Variants in IPO8 observed in about 807,000 individuals in gnomAD.
IPO8 encodes importin 8, also known as importin-8.
IPO8 carries 65 observed loss-of-function variants against 141.2 expected under a neutral mutation model. That is an observed-to-expected ratio of 0.46 (90% CI 0.38 to 0.57). The LOEUF (loss-of-function observed/expected upper bound fraction) is 0.57, where lower values mean the gene tolerates loss of function less well. Among genes scored for constraint, IPO8 ranks in the 20% least tolerant of loss-of-function variants. The pLI, the probability that IPO8 is intolerant of heterozygous loss-of-function variation, is 0.00. For missense variants in IPO8, 980 were observed against 1,246.8 expected, an observed-to-expected ratio of 0.79 and a Z score of 3.22; for synonymous variants, 411 against 420.3, an observed-to-expected ratio of 0.98 and a Z score of 0.27.
intron 9 of IPO8, among the ~76,000 whole-genome samples, chr12:30,669,989 G>C (rs113463324): frequency 1.1e-3 from 162 of 152,192 alleles, no homozygotes; most frequent in African/African-American, 3.8e-3. Context: ...AAAAAATTCA[G>C]CCTAAGGATC....
In IPO8 at chr12:30,634,073, A is replaced by C. The variant is rs201067182; in HGVS notation, c.2899+10T>G. ...AAAATATCAGAAGATGTGGGGAAGT[A>C]AAGACATACTTATCAGAGCTTGTGT... On this transcript the variant is annotated intron_variant, in intron 23 of 24. Transcript: ENST00000256079. The C allele has an allele frequency of 2.9e-3, 4,648 of 1,606,176 alleles. 6 individuals carry two copies. The highest frequency in any genetic ancestry group is 3.6e-3 in the Non-Finnish European group (4,264 of 1,173,250).
intron 20 of IPO8, among the ~76,000 whole-genome samples, chr12:30,646,540 G>A (rs545542159): frequency 6.6e-6 from 1 of 152,138 alleles, no homozygotes; most frequent in Non-Finnish European, 1.5e-5. Flanking sequence ...AAACTGGAAA[G>A]GTAAAACTCT....
chr12:30,649,699 T>C (rs2052699018), intron 19 of IPO8, among the ~76,000 whole-genome samples: 1 of 152,154 alleles, frequency 6.6e-6, no homozygotes, highest in African/African-American at 2.4e-5. Flanking sequence ...TTCATGGACA[T>C]TGTAACCATT....
Position 30,663,581 on chromosome 12 carries a change from A to C in IPO8, c.1502T>G (p.Leu501Ter), listed in dbSNP as rs774498017. 2 of 1,613,712 alleles carry C rather than the reference A, an allele frequency of 1.2e-6. No individual in the cohort carries two copies. Among genetic ancestry groups the C allele is most frequent in the Non-Finnish European group, 1.7e-6 (2 of 1,179,882 alleles). ...NELNLRNAVE[L>*]AKKSLIEDKE... ...ATCTTCAATCAGGCTCTTCTTCGCT[A>C]ATTCAACGGCATTTCTTAGATTGAG... The change falls in exon 14 of 25, where the codon TTA becomes TGA. Residue 501 changes from leucine to a stop codon, truncating the protein, a stop_gained. Coordinates refer to ENST00000256079, the MANE Select transcript of IPO8 (RefSeq NM_006390.4). LOFTEE classifies it high-confidence loss of function.
chr12:30,674,613 T>G (rs2053093933), intron 7 of IPO8, 46 bp downstream of exon 7: 9 of 1,316,424 alleles, frequency 6.8e-6, no homozygotes, highest in Non-Finnish European at 9.9e-6. Flanking sequence ...TATCTGATAC[T>G]GAGATACTGG....
At chr12:30,673,415 A>G (rs540635327) in intron 8 of IPO8, among the ~76,000 whole-genome samples, 1 of 152,352 alleles carries the variant, frequency 6.6e-6, no homozygotes, top group East Asian at 1.9e-4. Flanking sequence ...AACACTGATC[A>G]ACCAATTTTC....
intron 2 of IPO8, chr12:30,686,201 T>C (rs1312774280): frequency 2.0e-5 from 3 of 152,208 alleles, no homozygotes; most frequent in Non-Finnish European, 4.4e-5. Context: ...CTAGGTACCA[T>C]GTTTTATCGG....
chr12:30,682,322 G>A (rs191013404), intron 3 of IPO8, among the ~76,000 whole-genome samples: 4 of 152,156 alleles, frequency 2.6e-5, no homozygotes, highest in Admixed American at 2.6e-4. Context: ...ACCCAACATC[G>A]TATGTTGAAT....
intron 17 of IPO8, among the ~76,000 whole-genome samples, chr12:30,654,483 T>C (rs2052771646): frequency 6.6e-6 from 1 of 151,810 alleles, no homozygotes; most frequent in African/African-American, 2.4e-5. Flanking sequence ...CAAATGAAGA[T>C]TTAATATCCA....
At chr12:30,640,211 C>G (rs909401737) in intron 20 of IPO8, among the ~76,000 whole-genome samples, 2 of 151,924 alleles carry the variant, frequency 1.3e-5, no homozygotes, top group African/African-American at 4.8e-5. Context: ...AATGGTGGAG[C>G]CTGAACATTA....
At chr12:30,656,911 T>C (rs1705301055) in intron 16 of IPO8, among the ~76,000 whole-genome samples, 161 bp from the exon 17 acceptor site, 1 of 152,034 alleles carries the variant, frequency 6.6e-6, no homozygotes, top group African/African-American at 2.4e-5. Context: ...TCAGAAAATT[T>C]TGAAAAATAG....
At chr12:30,675,663 T>TAA (rs963221474) in intron 6 of IPO8, among the ~76,000 whole-genome samples, 1 of 127,150 alleles carries the variant, frequency 7.9e-6, no homozygotes, top group African/African-American at 2.9e-5. Context: ...CTGTCTCTAC[T>TAA]AAAAAAAAAA....
intron 2 of IPO8, chr12:30,686,321 C>A (rs927925488): frequency 6.6e-6 from 1 of 152,098 alleles, no homozygotes. Flanking sequence ...ATGAACCAAC[C>A]TGTCAGCAGT....
intron 21 of IPO8, 60 bp from the exon 22 acceptor site, chr12:30,637,247 T>C (rs2052515937): frequency 7.9e-6 from 10 of 1,262,878 alleles, no homozygotes; most frequent in Admixed American, 7.0e-5. Context: ...GAACAAATTC[T>C]GGAGAAACTA....
intron 6 of IPO8, 89 bp from the exon 7 acceptor site, chr12:30,674,842 T>C: frequency 1.2e-6 from 1 of 843,984 alleles, no homozygotes; most frequent in Non-Finnish European, 2.0e-6. Flanking sequence ...TGATATAGGT[T>C]AAGTCATATT....
intron 13 of IPO8, among the ~76,000 whole-genome samples, chr12:30,664,798 G>A (rs1267882954): frequency 6.6e-6 from 1 of 151,948 alleles, no homozygotes; most frequent in Non-Finnish European, 1.5e-5. Context: ...GGAGTGCAGT[G>A]GCACGATCTC....
chr12:30,668,347 C>T (rs1297870291), intron 10 of IPO8, among the ~76,000 whole-genome samples: 2 of 152,138 alleles, frequency 1.3e-5, no homozygotes, highest in African/African-American at 2.4e-5. Flanking sequence ...GTTTAGCTTA[C>T]GTAGCTAGAC....
chr12:30,631,037 C>A, intron 24 of IPO8, 80 bp from the exon 25 acceptor site: 1 of 987,810 alleles, frequency 1.0e-6, no homozygotes, highest in South Asian at 1.4e-5. Context: ...CTCAAAGGAG[C>A]CAGATTCTTT....
intron 2 of IPO8, among the ~76,000 whole-genome samples, chr12:30,685,900 C>CAAAAAAAAAA (rs397849869): frequency 1.1e-5 from 1 of 88,016 alleles, no homozygotes; most frequent in African/African-American, 3.9e-5. Context: ...AAGACTCTGT[C>CAAAAAAAAAA]AAAAAAAAAA....
Sources: gnomAD v4.1 joint callset for allele counts (sites outside exome capture counted in the v4.1 genomes callset) on GRCh38, gnomAD v4.1.1 for gene constraint, MANE v1.5 for transcripts, NCBI Gene and HGNC (gene_info 2026-07-23, HGNC 2026-07-21) for gene names.